The following RBM6 variants were observed in gnomAD, a reference collection of about 807,000 sequenced individuals.
RBM6 encodes the protein RNA-binding protein 6.
A neutral mutation model predicts 140.4 loss-of-function variants in RBM6; 23 were observed. That is an observed-to-expected ratio of 0.16 (90% confidence interval 0.12 to 0.23). RBM6 has a LOEUF of 0.23. Among genes scored for constraint, RBM6 ranks in the 10% least tolerant of loss-of-function variants. The probability of loss-of-function intolerance (pLI) is 1.00; values close to 1 mark genes in which losing one functional copy is unlikely to be tolerated. For missense variants in RBM6, 1,139 were observed against 1,386.7 expected (o/e 0.82, Z 2.84); for synonymous variants, 439 against 475.6 (o/e 0.92, Z 1.00).
At chr3:49,997,033 A>G (rs1449085190) in intron 5 of RBM6, among the ~76,000 whole-genome samples, 2 of 152,224 alleles carry the variant, frequency 1.3e-5, no homozygotes, top group South Asian at 2.1e-4. Context: ...TTAAATCAGT[A>G]TATACAAAGT....
chr3:50,064,415 G>A (rs1202906119), intron 15 of RBM6, among the ~76,000 whole-genome samples: 3 of 152,192 alleles, frequency 2.0e-5, no homozygotes, highest in Middle Eastern at 6.8e-3. Context: ...TTACATAGGA[G>A]GATCATAGTA....
At chr3:50,034,532 C>A (rs143050036) in intron 6 of RBM6, among the ~76,000 whole-genome samples, 2 of 151,940 alleles carry the variant, frequency 1.3e-5, no homozygotes, top group Non-Finnish European at 2.9e-5. Flanking sequence ...GAGGCCAAGG[C>A]GGCAGATCAC....
intron 6 of RBM6, among the ~76,000 whole-genome samples, chr3:50,021,740 CTTTTTTTTTTTTTT>C (rs542734328): frequency 2.9e-3 from 125 of 42,752 alleles, no homozygotes; most frequent in African/African-American, 9.8e-3. Context: ...AATTTAAGTG[CTTTTTTTTTTTTTT>C]TTTTTTTTTT....
At chr3:50,066,960 A>G (rs1451791240) in intron 17 of RBM6, among the ~76,000 whole-genome samples, 2 of 152,118 alleles carry the variant, frequency 1.3e-5, no homozygotes, top group African/African-American at 2.4e-5. Flanking sequence ...CAAGGCACCT[A>G]GGTAGATCAC....
chr3:50,065,286 A>G (rs1559650570), intron 16 of RBM6, among the ~76,000 whole-genome samples, 160 bp downstream of exon 16: 1 of 152,200 alleles, frequency 6.6e-6, no homozygotes, highest in Non-Finnish European at 1.5e-5. Flanking sequence ...CAAGCATGAG[A>G]TAAAGTTTTC....
intron 6 of RBM6, among the ~76,000 whole-genome samples, chr3:50,003,406 T>C (rs2086434874): frequency 6.6e-6 from 1 of 151,980 alleles, no homozygotes; most frequent in Non-Finnish European, 1.5e-5. Context: ...CACGATCTGC[T>C]TGGCAACTCT....
At chr3:50,053,503 C>A (rs1322925067) in intron 7 of RBM6, among the ~76,000 whole-genome samples, 1 of 152,008 alleles carries the variant, frequency 6.6e-6, no homozygotes, top group African/African-American at 2.4e-5. Flanking sequence ...TGCACTCCAG[C>A]CTGGGCAACA....
intron 10 of RBM6, chr3:50,058,853 T>A (rs990148280): frequency 1.5e-5 from 3 of 200,766 alleles, no homozygotes; most frequent in African/African-American, 6.9e-5. Context: ...GAGGCGGAGC[T>A]TGCAGTGAGC....
intron 3 of RBM6, among the ~76,000 whole-genome samples, chr3:49,969,177 A>G (rs11706658): frequency 1.3e-5 from 2 of 151,660 alleles, no homozygotes; most frequent in Non-Finnish European, 2.9e-5. Flanking sequence ...GGCATGTGCC[A>G]CCATGCCCAG....
At chr3:50,036,496 T>G (rs1218431610) in intron 6 of RBM6, among the ~76,000 whole-genome samples, 2 of 152,072 alleles carry the variant, frequency 1.3e-5, no homozygotes, top group African/African-American at 4.8e-5. Context: ...CAGGAATCAT[T>G]CCCTCACTCT....
chr3:50,021,680 C>T (rs1193442380), intron 6 of RBM6, among the ~76,000 whole-genome samples: 1 of 141,542 alleles, frequency 7.1e-6, no homozygotes. Context: ...TACCTATGTA[C>T]ATACATACAT....
chr3:49,976,849 G>A (rs2085084630), intron 5 of RBM6, among the ~76,000 whole-genome samples: 1 of 152,156 alleles, frequency 6.6e-6, no homozygotes, highest in Non-Finnish European at 1.5e-5. Context: ...GCAGACTGAA[G>A]ACATTGATAC....
intron 4 of RBM6, among the ~76,000 whole-genome samples, chr3:49,972,554 T>C (rs543112602): frequency 6.6e-6 from 1 of 152,332 alleles, no homozygotes; most frequent in South Asian, 2.1e-4. Flanking sequence ...AAGGATTGGC[T>C]GACTAAATTA....
At chr3:49,950,678 C>T (rs1359235451) in intron 1 of RBM6, among the ~76,000 whole-genome samples, 2 of 151,796 alleles carry the variant, frequency 1.3e-5, no homozygotes, top group African/African-American at 2.4e-5. Context: ...TCGCTTGAAT[C>T]CGGGAGACGG....
chr3:50,051,374 G>T (rs569867059), intron 7 of RBM6, among the ~76,000 whole-genome samples: 1 of 152,184 alleles, frequency 6.6e-6, no homozygotes, highest in South Asian at 2.1e-4. Flanking sequence ...GGGTGTGGTG[G>T]CTCACGCCTA....
At chr3:49,964,069 T>C (rs917910620) in intron 2 of RBM6, among the ~76,000 whole-genome samples, 5 of 151,962 alleles carry the variant, frequency 3.3e-5, no homozygotes, top group African/African-American at 9.7e-5. Flanking sequence ...CCTGGCTAAT[T>C]ATTGTATTTT....
At chr3:49,949,748 C>T (rs1224493959) in intron 1 of RBM6, among the ~76,000 whole-genome samples, 3 of 152,092 alleles carry the variant, frequency 2.0e-5, no homozygotes, top group Non-Finnish European at 2.9e-5. Flanking sequence ...CTCCTGACCT[C>T]GTGATCCGCC....
At chr3:49,958,898 C>T (rs977128725) in intron 1 of RBM6, among the ~76,000 whole-genome samples, 4 of 148,794 alleles carry the variant, frequency 2.7e-5, no homozygotes, top group Non-Finnish European at 5.9e-5. Flanking sequence ...CAAGTTGAAG[C>T]GATACTCCTG....
intron 6 of RBM6, among the ~76,000 whole-genome samples, chr3:50,028,981 A>G (rs1464913829): frequency 6.6e-6 from 1 of 152,110 alleles, no homozygotes; most frequent in Non-Finnish European, 1.5e-5. Context: ...AGTAGATACT[A>G]TTTCTCCTTT....
Sources: allele counts gnomAD v4.1 joint callset (sites outside exome capture counted in the v4.1 genomes callset), GRCh38; gene constraint gnomAD v4.1.1; transcripts MANE v1.5; gene names NCBI Gene and HGNC (gene_info 2026-07-23, HGNC 2026-07-21).